The following ZNF236 variants were observed in gnomAD, a reference collection of about 807,000 sequenced individuals.
The protein encoded by ZNF236 is regulated by glucose.
In ZNF236, 50 loss-of-function variants were observed where a neutral mutation model predicts 191.2. The observed-to-expected ratio is 0.26, with a 90% CI of 0.21 to 0.33. ZNF236 has a LOEUF of 0.33. Among genes scored for constraint, ZNF236 ranks in the 10% least tolerant of loss-of-function variants. ZNF236 has a pLI of 1.00. For synonymous variants in ZNF236, 907 were observed against 928.8 expected (o/e 0.98, Z 0.43); for missense variants, 1,754 against 2,374.5 (o/e 0.74, Z 5.43).
intron 25 of ZNF236, among the ~76,000 whole-genome samples, chr18:76,932,016 G>A (rs930813274): frequency 4.6e-5 from 7 of 152,240 alleles, no homozygotes; most frequent in Non-Finnish European, 8.8e-5. Flanking sequence ...AGTGTCTGCT[G>A]TGTGCTAAGA....
At chr18:76,900,147 C>G (rs1977546782) in intron 11 of ZNF236, among the ~76,000 whole-genome samples, 1 of 152,062 alleles carries the variant, frequency 6.6e-6, no homozygotes, top group Admixed American at 6.6e-5. Flanking sequence ...AATATAATTC[C>G]TTAATTCCAA....
intron 26 of ZNF236, 135 bp from the exon 27 acceptor site, chr18:76,947,386 A>T (rs370705573): frequency 3.8e-6 from 4 of 1,052,190 alleles, no homozygotes; most frequent in African/African-American, 3.2e-5. Flanking sequence ...GCTGGGTTAC[A>T]TGGTGACTCC....
At chr18:76,952,072 G>A (rs980089877) in intron 27 of ZNF236, among the ~76,000 whole-genome samples, 1 of 152,192 alleles carries the variant, frequency 6.6e-6, no homozygotes, top group Non-Finnish European at 1.5e-5. Context: ...TAGATACGCT[G>A]TAATGAAAAA....
At chr18:76,905,895 T>A (rs574614831) in intron 13 of ZNF236, among the ~76,000 whole-genome samples, 2 of 152,232 alleles carry the variant, frequency 1.3e-5, no homozygotes, top group Non-Finnish European at 2.9e-5. Flanking sequence ...TATTTTCACA[T>A]GATTGGAAGG....
intron 3 of ZNF236, among the ~76,000 whole-genome samples, chr18:76,866,765 T>C (rs892523890): frequency 6.6e-6 from 1 of 152,204 alleles, no homozygotes; most frequent in Admixed American, 6.5e-5. Flanking sequence ...CCTGTGACTA[T>C]ACATGGGGTG....
chr18:76,935,627 T>C (rs963034719), intron 25 of ZNF236, among the ~76,000 whole-genome samples: 3 of 152,252 alleles, frequency 2.0e-5, no homozygotes, highest in Admixed American at 6.5e-5. Flanking sequence ...CACATGCATC[T>C]CTTCCCCGTC....
intron 4 of ZNF236, 130 bp from the exon 5 acceptor site, chr18:76,871,571 T>G (rs1976585238): frequency 1.1e-6 from 1 of 930,384 alleles, no homozygotes; most frequent in Admixed American, 2.0e-5. Flanking sequence ...CATACATATA[T>G]GTGATTGATT....
chr18:76,925,460 T>G lies in ZNF236; in HGVS notation c.3933T>G (p.Phe1311Leu). The stretch of plus-strand genomic sequence containing the variant: ...CCTCCTCTACTGACCCAAACGTGTT[T>G]ATCATGAACAACTCTGTTCTAACAG... ...LNSSSTDPNV[F>L]IMNNSVLTGQ... The change falls in exon 22 of 31, where the codon TTT becomes TTG. Residue 1311 changes from phenylalanine (F) to leucine (L), a missense_variant. Around this residue, in one of 5 missense-constraint regions of ZNF236, gnomAD observed 606 missense variants for 761.5 expected, o/e 0.80. Coordinates refer to ENST00000320610, the MANE Select transcript of ZNF236 (RefSeq NM_001306089.2). The surrounding 1 kb of genome is among the most constrained non-coding windows in gnomAD (Gnocchi z 5.7). 1 of 1,614,224 alleles carries G rather than the reference T, an allele frequency of 6.2e-7. No homozygotes were observed. Among genetic ancestry groups the G allele is most frequent in the Non-Finnish European group, 8.5e-7 (1 of 1,180,052 alleles).
intron 26 of ZNF236, among the ~76,000 whole-genome samples, chr18:76,939,622 C>G (rs1161558560): frequency 6.6e-6 from 1 of 152,176 alleles, no homozygotes; most frequent in Non-Finnish European, 1.5e-5. Context: ...AGTCATTTGT[C>G]TTTCCCACGT....
chr18:76,921,776 C>T (rs1275469708), intron 20 of ZNF236, among the ~76,000 whole-genome samples: 1 of 130,182 alleles, frequency 7.7e-6, no homozygotes, highest in African/African-American at 2.9e-5. Flanking sequence ...GAGTCTCGCT[C>T]TGTCGCCCAG....
Position 76,969,007 on chromosome 18 carries a change from C to T in ZNF236, c.*668C>T, listed in dbSNP as rs978084387. Reference sequence around the variant, plus strand: ...TGGGGACTCGAGTAAACCTGACCCACCAATAAGGATTCAGCTGTCCACACG... The same window carrying T: ...TGGGGACTCGAGTAAACCTGACCCATCAATAAGGATTCAGCTGTCCACACG... On this transcript the variant is annotated 3_prime_UTR_variant, in exon 31 of 31. Transcript: ENST00000320610. 3 of 984,688 alleles carry T rather than the reference C, an allele frequency of 3.0e-6. No individual in the cohort carries two copies. In the African/African-American group the frequency reaches 5.2e-5, roughly 17 times the overall value. 61.0% of individuals were successfully genotyped at this position (984,688 alleles called of 1,614,324 possible). A position where few individuals can be genotyped will look rare whatever the true frequency, so the allele number is the denominator to read the frequency against.
intron 30 of ZNF236, among the ~76,000 whole-genome samples, chr18:76,963,644 A>G (rs1269372462): frequency 6.6e-6 from 1 of 152,164 alleles, no homozygotes; most frequent in Non-Finnish European, 1.5e-5. Context: ...TGTCAAAAGG[A>G]TTGGTACCAA....
chr18:76,931,534 C>T (rs542392909), intron 25 of ZNF236, among the ~76,000 whole-genome samples: 1 of 152,310 alleles, frequency 6.6e-6, no homozygotes, highest in South Asian at 2.1e-4. Flanking sequence ...ACTCCATGTA[C>T]AAAGCTGTCC....
intron 3 of ZNF236, among the ~76,000 whole-genome samples, chr18:76,863,616 C>T (rs114564531): frequency 0.017 from 2,611 of 150,628 alleles, 86 homozygotes; most frequent in African/African-American, 0.06. Context: ...AAATTAGAGA[C>T]GGAGTCTTGC....
chr18:76,838,996 C>T (rs1159261844), intron 1 of ZNF236, among the ~76,000 whole-genome samples: 4 of 152,188 alleles, frequency 2.6e-5, no homozygotes, highest in African/African-American at 9.6e-5. Flanking sequence ...AGATTGTTTT[C>T]TTACGTCTGG....
intron 1 of ZNF236, among the ~76,000 whole-genome samples, chr18:76,844,940 G>A (rs566069567): frequency 5.7e-4 from 87 of 152,262 alleles, no homozygotes; most frequent in Non-Finnish European, 9.3e-4. Context: ...ATGGAGTGAT[G>A]GGTAGGGCAT....
rs999569344 is a variant in ZNF236, at chr18:76,830,305, T to G, written c.55+7643T>G. On this transcript the variant is annotated intron_variant, in intron 1 of 30. Coordinates refer to ENST00000320610, the MANE Select transcript of ZNF236 (RefSeq NM_001306089.2). ...AGAACTGTGTTTATTTTGATAAGTA[T>G]ATAGTATTACATTATATGAACCTAC... Among the ~76,000 whole-genome samples, 5 of 152,350 alleles carry G rather than the reference T, an allele frequency of 3.3e-5. 1 individual carries two copies. In the South Asian group the frequency reaches 8.3e-4, roughly 25 times the overall value.
At chr18:76,835,757 T>G (rs897866854) in intron 1 of ZNF236, among the ~76,000 whole-genome samples, 1 of 152,248 alleles carries the variant, frequency 6.6e-6, no homozygotes, top group African/African-American at 2.4e-5. Context: ...TTAATTGATA[T>G]GCTGATTTTA....
At chr18:76,895,614 C>T (rs1216631650) in intron 10 of ZNF236, among the ~76,000 whole-genome samples, 1 of 151,358 alleles carries the variant, frequency 6.6e-6, no homozygotes, top group African/African-American at 2.4e-5. Context: ...ACAGGTACTG[C>T]ACACAGTATG....
Sources: gnomAD v4.1 joint callset for allele counts (sites outside exome capture counted in the v4.1 genomes callset) on GRCh38, gnomAD v4.1.1 for gene constraint, gnomAD v4.1.1 regional missense constraint, Gnocchi (gnomAD v3.1) non-coding constraint, MANE v1.5 for transcripts, NCBI Gene and HGNC (gene_info 2026-07-23, HGNC 2026-07-21) for gene names.